Variants in DAB1 observed in about 807,000 individuals in gnomAD.
The protein encoded by DAB1 is DAB adaptor protein 1, also known as disabled homolog 1.
DAB1 carries 15 observed loss-of-function variants against 64.6 expected under a neutral mutation model. That is an observed-to-expected ratio of 0.23 (90% confidence interval 0.16 to 0.36). The LOEUF (loss-of-function observed/expected upper bound fraction) is 0.36. Among genes scored for constraint, DAB1 ranks in the 10% least tolerant of loss-of-function variants. DAB1 has a pLI of 1.00. For synonymous variants in DAB1, 235 were observed against 251.9 expected, an observed-to-expected ratio of 0.93 and a Z score of 0.64; for missense variants, 596 against 706.7, an observed-to-expected ratio of 0.84 and a Z score of 1.78.
chr1:58,433,291 G>A (rs1215796623), intron 3 of DAB1, among the ~76,000 whole-genome samples: 1 of 152,106 alleles, frequency 6.6e-6, no homozygotes, highest in Non-Finnish European at 1.5e-5. Flanking sequence ...GAAAGAGGAA[G>A]GTGGATAGGT....
chr1:58,062,805 C>T (rs921899524), intron 5 of DAB1, among the ~76,000 whole-genome samples: 5 of 152,164 alleles, frequency 3.3e-5, no homozygotes, highest in African/African-American at 1.2e-4. Flanking sequence ...CACACAGATG[C>T]GTCTGAAGGA....
At chr1:57,243,299 T>G (rs1172659535) in intron 2 of DAB1, among the ~76,000 whole-genome samples, 1 of 152,180 alleles carries the variant, frequency 6.6e-6, no homozygotes, top group African/African-American at 2.4e-5. Context: ...AAAAAGCAGC[T>G]GAGAGATGTA....
At chr1:58,125,026 G>T (rs988189968) in intron 5 of DAB1, among the ~76,000 whole-genome samples, 3 of 152,060 alleles carry the variant, frequency 2.0e-5, no homozygotes, top group South Asian at 4.2e-4. Context: ...GGGATTCAAG[G>T]TCTGATTTTC....
intron 6 of DAB1, among the ~76,000 whole-genome samples, chr1:57,726,712 G>C (rs1647215266): frequency 1.3e-5 from 2 of 152,144 alleles, no homozygotes; most frequent in South Asian, 4.1e-4. Context: ...TCATTTTGTT[G>C]ATGGGGAGAA....
At chr1:57,966,400 C>A (rs1570105853) in intron 5 of DAB1, among the ~76,000 whole-genome samples, 2 of 152,096 alleles carry the variant, frequency 1.3e-5, no homozygotes, top group South Asian at 2.1e-4. Context: ...GCTGGCGCAA[C>A]CTGCTGGAGG....
At chr1:58,166,645 G>A (rs1329356668) in intron 4 of DAB1, among the ~76,000 whole-genome samples, 1 of 151,492 alleles carries the variant, frequency 6.6e-6, no homozygotes, top group African/African-American at 2.4e-5. Context: ...TTTCCTATAT[G>A]TTTTCATATA....
chr1:57,619,063 A>T (rs1645823892), intron 7 of DAB1, among the ~76,000 whole-genome samples: 1 of 152,256 alleles, frequency 6.6e-6, no homozygotes, highest in Non-Finnish European at 1.5e-5. Context: ...CTAAGCAAAC[A>T]ATGTGCTCAT....
At chr1:58,124,725 T>C (rs546782202) in intron 5 of DAB1, among the ~76,000 whole-genome samples, 1 of 152,354 alleles carries the variant, frequency 6.6e-6, no homozygotes, top group East Asian at 1.9e-4. Flanking sequence ...ACCTGTTATC[T>C]GTGTGTGCTT....
chr1:58,118,499 T>TACACACAC (rs1484103711), intron 5 of DAB1, among the ~76,000 whole-genome samples: 1 of 79,102 alleles, frequency 1.3e-5, no homozygotes, highest in East Asian at 6.3e-4. Context: ...TATATATATA[T>TACACACAC]ATATACACAC....
chr1:57,429,796 G>A (rs767373582), intron 7 of DAB1, among the ~76,000 whole-genome samples: 2 of 152,064 alleles, frequency 1.3e-5, no homozygotes, highest in South Asian at 2.1e-4. Flanking sequence ...TTAGTTGATG[G>A]TATATGGGTG....
intron 5 of DAB1, among the ~76,000 whole-genome samples, chr1:57,899,370 TTA>T (rs1235008427): frequency 6.6e-6 from 1 of 152,188 alleles, no homozygotes; most frequent in East Asian, 1.9e-4. Context: ...TATACCATTG[TTA>T]GATGTGGAAG....
At chr1:57,150,858 A>T (rs1054832142) in intron 2 of DAB1, among the ~76,000 whole-genome samples, 10 of 152,166 alleles carry the variant, frequency 6.6e-5, no homozygotes, top group African/African-American at 1.9e-4. Flanking sequence ...GGAATTTTTT[A>T]AAAACACCAC....
At chr1:57,005,231 A>G (rs1168800187) in intron 14 of DAB1, among the ~76,000 whole-genome samples, 1 of 152,168 alleles carries the variant, frequency 6.6e-6, no homozygotes, top group Non-Finnish European at 1.5e-5. Flanking sequence ...GTCAATAATA[A>G]CAACAATGAT....
intron 6 of DAB1, among the ~76,000 whole-genome samples, chr1:57,684,007 G>A (rs1445917017): frequency 6.6e-6 from 1 of 152,134 alleles, no homozygotes; most frequent in East Asian, 1.9e-4. Context: ...TGACCAAGCT[G>A]AGGAAATAAT....
chr1:57,317,234 C>A (rs1432080005), intron 1 of DAB1, among the ~76,000 whole-genome samples: 1 of 152,102 alleles, frequency 6.6e-6, no homozygotes. Flanking sequence ...CTTGAGTGAG[C>A]CTGGAAACAG....
chr1:57,813,776 G>T (rs990279008), intron 6 of DAB1, among the ~76,000 whole-genome samples: 4 of 152,164 alleles, frequency 2.6e-5, no homozygotes, highest in African/African-American at 9.7e-5. Flanking sequence ...TCCACCCTCG[G>T]TAGAGAATCG....
chr1:57,844,163 T>A (rs746663867), intron 1 of DAB1, among the ~76,000 whole-genome samples: 6 of 152,260 alleles, frequency 3.9e-5, no homozygotes, highest in African/African-American at 7.2e-5. Context: ...CAGGGAGGAT[T>A]ACTCAGCCTA....
intron 6 of DAB1, among the ~76,000 whole-genome samples, chr1:57,723,377 T>C (rs1278304902): frequency 6.6e-6 from 1 of 152,256 alleles, no homozygotes; most frequent in African/African-American, 2.4e-5. Context: ...CGCCTGTTTA[T>C]GAATGCATGC....
At chr1:58,405,166 A>G (rs1644604076) in intron 3 of DAB1, among the ~76,000 whole-genome samples, 1 of 152,000 alleles carries the variant, frequency 6.6e-6, no homozygotes. Context: ...GGGCCTTTGC[A>G]CTTGCTGTTT....
Sources: allele counts gnomAD v4.1 joint callset (sites outside exome capture counted in the v4.1 genomes callset), GRCh38; gene constraint gnomAD v4.1.1; transcripts MANE v1.5; gene names NCBI Gene and HGNC (gene_info 2026-07-23, HGNC 2026-07-21).